The following GPCPD1 variants were observed in gnomAD, a reference collection of about 807,000 sequenced individuals.
The protein encoded by GPCPD1 is glycerophosphocholine phosphodiesterase 1, also known as glycerophosphocholine phosphodiesterase GPCPD1.
Under a neutral mutation model 89.2 loss-of-function variants are expected in GPCPD1, and 29 were observed. That is an observed-to-expected ratio of 0.33 (90% CI 0.24 to 0.44). GPCPD1 has a LOEUF of 0.44. Ranked by LOEUF, GPCPD1 falls within the 20% of genes least tolerant of loss-of-function variation. The probability of loss-of-function intolerance (pLI) is 1.00; values close to 1 mark genes in which losing one functional copy is unlikely to be tolerated. For synonymous variants in GPCPD1, 258 were observed against 266.3 expected (o/e 0.97, Z 0.30); for missense variants, 594 against 808.9 (o/e 0.73, Z 3.22).
intron 4 of GPCPD1, among the ~76,000 whole-genome samples, chr20:5,591,550 A>G (rs1454529272): frequency 6.6e-6 from 1 of 152,208 alleles, no homozygotes; most frequent in Admixed American, 6.5e-5. Context: ...TCAGCTTTTT[A>G]ATGCTTTCAT....
rs1321855789 is a variant in GPCPD1 at position 5,554,122 on chromosome 20, C to T, written c.1829+3823G>A. On this transcript the variant is annotated intron_variant, in intron 19 of 19. Transcript: ENST00000379019. ...TAGCTGGGACTACAGGCGCCCGCCA[C>T]CACGCCCGGCTAATTATTATTATTA... Among the ~76,000 whole-genome samples, 8 of 134,978 alleles carry T rather than the reference C, an allele frequency of 5.9e-5. 2 individuals are homozygous for T. Among genetic ancestry groups the T allele is most frequent in the African/African-American group, 2.1e-4 (7 of 33,694 alleles). The allele number at this position is 134,978 out of a possible 152,430, so 88.6% of individuals were successfully genotyped here.
chr20:5,594,460 T>C (rs1468620344), intron 3 of GPCPD1, among the ~76,000 whole-genome samples: 1 of 152,100 alleles, frequency 6.6e-6, no homozygotes, highest in Non-Finnish European at 1.5e-5. Flanking sequence ...TGGCTAACTT[T>C]GTTTTTTTAT....
Position 5,604,393 on chromosome 20 carries a change from G to A in GPCPD1, c.20C>T (p.Ala7Val), listed in dbSNP as rs752496273. 6.4e-7 allele frequency: 1 copy of A among 1,564,546 alleles called. No homozygotes were observed. Among genetic ancestry groups the A allele is most frequent in the Non-Finnish European group, 8.8e-7 (1 of 1,140,032 alleles). The change falls in exon 2 of 20, where the codon GCC (alanine) becomes GTC (valine). Residue 7 changes from alanine to valine, a missense_variant. Transcript: ENST00000379019. ...TAAAAGAGTTCCTCTTATTTCAAAG[G>A]CAACCTGAGAAGGTGTCATTCTGAT... The part of the protein sequence containing the change: MTPSQV[A>V]FEIRGTLLPG...
intron 2 of GPCPD1, among the ~76,000 whole-genome samples, chr20:5,601,303 G>A (rs1359986712): frequency 6.6e-6 from 1 of 151,232 alleles, no homozygotes; most frequent in African/African-American, 2.4e-5. Context: ...AGGAGTTTGA[G>A]GAGCTATGAC....
rs149381999 is a variant in GPCPD1 at position 5,598,024 on chromosome 20, A to G, written c.146+701T>C. Among the ~76,000 whole-genome samples the G allele has an allele frequency of 5.3e-3, 801 of 152,312 alleles. 8 individuals carry two copies. The highest frequency in any genetic ancestry group is 0.018 in the African/African-American group (756 of 41,574). ...ACTTACCATTAAAAAAAGAAATCAG[A>G]AAAAATTAAAAAGAAGAAAATAATA... On this transcript the variant is annotated intron_variant, in intron 3 of 19. Coordinates refer to ENST00000379019, the MANE Select transcript of GPCPD1 (RefSeq NM_019593.5).
chr20:5,564,718 T>C (rs756957397), intron 15 of GPCPD1, among the ~76,000 whole-genome samples: 3 of 152,076 alleles, frequency 2.0e-5, no homozygotes, highest in Non-Finnish European at 4.4e-5. Context: ...ACAACTGCAG[T>C]TCCAGCTATT....
intron 19 of GPCPD1, among the ~76,000 whole-genome samples, chr20:5,556,839 T>C (rs1206309123): frequency 6.6e-6 from 1 of 152,244 alleles, no homozygotes; most frequent in Non-Finnish European, 1.5e-5. Context: ...ATGGAGCCTA[T>C]ATTCTCATTT....
intron 3 of GPCPD1, among the ~76,000 whole-genome samples, chr20:5,597,322 C>T (rs1422404478): frequency 6.6e-6 from 1 of 152,140 alleles, no homozygotes; most frequent in Non-Finnish European, 1.5e-5. Flanking sequence ...ACCACCAGTG[C>T]TCCTCAAACT....
intron 2 of GPCPD1, among the ~76,000 whole-genome samples, chr20:5,602,725 G>T (rs1980249793): frequency 6.6e-6 from 1 of 152,104 alleles, no homozygotes; most frequent in African/African-American, 2.4e-5. Context: ...TCTCACACCT[G>T]TAATCTCAGC....
At chr20:5,599,885 T>C (rs527880274) in intron 2 of GPCPD1, among the ~76,000 whole-genome samples, 2 of 152,276 alleles carry the variant, frequency 1.3e-5, no homozygotes, top group South Asian at 4.1e-4. Flanking sequence ...AGGTAATGTA[T>C]CATTTCTTTT....
At position 5,578,615 on chromosome 20, in the gene GPCPD1, C is replaced by T. The variant is rs758570798; in HGVS notation, c.474-4G>A. ...GCCTTCTAGTGTCAGCTTCACCCTACGTAATAAACAAAATAATGAGATGCA... is the reference window on the plus strand; with the variant it reads ...GCCTTCTAGTGTCAGCTTCACCCTATGTAATAAACAAAATAATGAGATGCA... On this transcript the variant is annotated splice_polypyrimidine_tract_variant and splice_region_variant and intron_variant, in intron 7 of 19. Transcript: ENST00000379019. The T allele has an allele frequency of 4.3e-5, 68 of 1,566,020 alleles. No homozygotes were observed. The highest frequency in any genetic ancestry group is 1.6e-4 in the East Asian group (7 of 44,642).
rs1417459596 is a variant in GPCPD1 at position 5,578,506 on chromosome 20, G to A, written c.579C>T (p.Asp193=). Residue 193 remains aspartate (D), a synonymous_variant, in exon 8 of 20, where the codon GAC becomes GAT. Transcript: ENST00000379019. ...GTGAATGCCTGCACTTGAACTCATT[G>A]TCGCTTATTAAGGATATCTCCAAGC... ...SNSLEISLIS[D]NEFKCRHSQP... is the part of the protein sequence containing the mutation. 6.2e-7 allele frequency: 1 copy of A among 1,613,406 alleles called. No homozygotes were observed. Among genetic ancestry groups the A allele is most frequent in the African/African-American group, 1.3e-5 (1 of 74,914 alleles).
Position 5,560,028 on chromosome 20 carries a change from A to C in GPCPD1, c.1444T>G (p.Phe482Val). ...NLSTYFDMNL[F>V]LDIILKTVLE... ...ACAGTTTTTAAAATTATATCCAAAA[A>C]CAGATTCATGTCAAAATATGTTGAT... Residue 482 changes from phenylalanine to valine, a missense_variant, in exon 17 of 20, where the codon TTT (phenylalanine) becomes GTT (valine). By Grantham distance (50) the Phe-to-Val change is conservative (BLOSUM62 -1). Coordinates refer to ENST00000379019, the MANE Select transcript of GPCPD1 (RefSeq NM_019593.5). 1 of 1,582,492 alleles carries C rather than the reference A, an allele frequency of 6.3e-7. No individual in the cohort carries two copies. The highest frequency in any genetic ancestry group is 8.6e-7 in the Non-Finnish European group (1 of 1,159,884).
intron 3 of GPCPD1, among the ~76,000 whole-genome samples, chr20:5,594,469 A>G (rs1979563821): frequency 1.3e-5 from 2 of 151,872 alleles, no homozygotes; most frequent in South Asian, 4.2e-4. Context: ...TTGTTTTTTT[A>G]TTTTTAGTAG....
chr20:5,563,013 C>T (rs1008189026), intron 15 of GPCPD1, among the ~76,000 whole-genome samples: 5 of 149,672 alleles, frequency 3.3e-5, no homozygotes, highest in Non-Finnish European at 7.4e-5. Context: ...GACGGAGTCT[C>T]GCTCTGTCAT....
At chr20:5,579,441 G>C (rs1044784160) in intron 7 of GPCPD1, among the ~76,000 whole-genome samples, 1 of 152,080 alleles carries the variant, frequency 6.6e-6, no homozygotes, top group African/African-American at 2.4e-5. Flanking sequence ...TCCGCCTTCC[G>C]GGTTCAAGCG....
At chr20:5,609,461 CAAGTT>C (rs1328736125) in intron 1 of GPCPD1, among the ~76,000 whole-genome samples, 1 of 152,110 alleles carries the variant, frequency 6.6e-6, no homozygotes, top group Non-Finnish European at 1.5e-5. Context: ...TTCTTTACGC[CAAGTT>C]AATTCCTTGA....
At chr20:5,570,367 T>C (rs1986641502) in intron 11 of GPCPD1, 128 bp from the exon 12 acceptor site, 2 of 431,456 alleles carry the variant, frequency 4.6e-6, no homozygotes, top group Non-Finnish European at 8.5e-6. Flanking sequence ...TAAAAAGTAA[T>C]GTATTCTCTT....
intron 4 of GPCPD1, among the ~76,000 whole-genome samples, chr20:5,592,405 C>T (rs1173341534): frequency 6.6e-6 from 1 of 152,194 alleles, no homozygotes; most frequent in African/African-American, 2.4e-5. Flanking sequence ...TGTGTATTCA[C>T]AAAATATTCT....
Sources: allele counts gnomAD v4.1 joint callset (sites outside exome capture counted in the v4.1 genomes callset), GRCh38; gene constraint gnomAD v4.1.1; transcripts MANE v1.5; gene names NCBI Gene and HGNC (gene_info 2026-07-23, HGNC 2026-07-21).